PELI2: variants seen among roughly 807,000 people sequenced by gnomAD.
PELI2 encodes the protein E3 ubiquitin-protein ligase pellino homolog 2.
In PELI2, 23 loss-of-function variants were observed where a neutral mutation model predicts 42.3. The observed-to-expected ratio is 0.54, with a 90% confidence interval of 0.39 to 0.77. PELI2 has a LOEUF of 0.77. Ranked by LOEUF, PELI2 falls within the 30% of genes least tolerant of loss-of-function variation. The pLI is 0.00. For missense variants in PELI2, 463 were observed against 553.2 expected (o/e 0.84, Z 1.64); for synonymous variants, 245 against 212.2 (o/e 1.15, Z -1.34).
intron 2 of PELI2, among the ~76,000 whole-genome samples, chr14:56,186,868 A>T (rs1885786608): frequency 6.6e-6 from 1 of 152,240 alleles, no homozygotes; most frequent in South Asian, 2.1e-4. Flanking sequence ...GTGCGGAAAG[A>T]ATAGTTCTAT....
chr14:56,146,743 TC>T (rs1166804826), intron 1 of PELI2, among the ~76,000 whole-genome samples: 1 of 152,146 alleles, frequency 6.6e-6, no homozygotes, highest in Non-Finnish European at 1.5e-5. Flanking sequence ...TGATGAGAGA[TC>T]AATTTTACTT....
chr14:56,189,870 C>G (rs1269035018), intron 2 of PELI2, among the ~76,000 whole-genome samples: 1 of 152,156 alleles, frequency 6.6e-6, no homozygotes, highest in African/African-American at 2.4e-5. Flanking sequence ...TAACAATGAA[C>G]AGTTTCTAAA....
rs563912413 is a variant in PELI2, at chr14:56,281,701, T to A, written c.309+1924T>A. On this transcript the variant is annotated intron_variant, in intron 3 of 5. Coordinates refer to ENST00000267460, the MANE Select transcript of PELI2 (RefSeq NM_021255.3). ...AATGTCACAAATATATAAGGTACTC[T>A]TGGAAATCTCTTTTTAAAATACCTA... Among the ~76,000 whole-genome samples, 4 of 152,236 alleles carry A rather than the reference T, an allele frequency of 2.6e-5. 1 individual carries two copies. The South Asian group carries it at 8.3e-4, about 32-fold the overall frequency.
chr14:56,202,627 T>C (rs1174824239), intron 2 of PELI2, among the ~76,000 whole-genome samples: 1 of 152,120 alleles, frequency 6.6e-6, no homozygotes, highest in African/African-American at 2.4e-5. Context: ...AGCTGGAGTC[T>C]GGGAGTGGGG....
chr14:56,233,108 C>G (rs1269097282), intron 2 of PELI2, among the ~76,000 whole-genome samples: 1 of 152,050 alleles, frequency 6.6e-6, no homozygotes, highest in Non-Finnish European at 1.5e-5. Flanking sequence ...TAAAAAAGGA[C>G]ACAAACAAAT....
At chr14:56,148,610 C>T (rs183674183) in intron 1 of PELI2, among the ~76,000 whole-genome samples, 14 of 152,342 alleles carry the variant, frequency 9.2e-5, no homozygotes, top group African/African-American at 3.4e-4. Flanking sequence ...CCTTTCAAGA[C>T]TCAGTGTAGG....
At chr14:56,226,679 T>C (rs931914579) in intron 2 of PELI2, among the ~76,000 whole-genome samples, 1 of 152,206 alleles carries the variant, frequency 6.6e-6, no homozygotes, top group African/African-American at 2.4e-5. Flanking sequence ...CTGTGAGCTG[T>C]TGGAAACTTT....
At chr14:56,176,571 G>A in intron 1 of PELI2, among the ~76,000 whole-genome samples, 1 of 152,194 alleles carries the variant, frequency 6.6e-6, no homozygotes, top group East Asian at 1.9e-4. Flanking sequence ...ATATCCTGGA[G>A]AGCCTGCGTT....
At chr14:56,188,429 A>G (rs568328704) in intron 2 of PELI2, among the ~76,000 whole-genome samples, 2 of 152,240 alleles carry the variant, frequency 1.3e-5, no homozygotes, top group African/African-American at 4.8e-5. Context: ...TACTATGAAT[A>G]TTGCTTTCTA....
chr14:56,260,576 A>G (rs1160250563), intron 2 of PELI2, among the ~76,000 whole-genome samples: 1 of 152,210 alleles, frequency 6.6e-6, no homozygotes, highest in Non-Finnish European at 1.5e-5. Flanking sequence ...TCATTTGTCA[A>G]AACTCCTCAA....
chr14:56,187,307 T>A (rs1320395056), intron 2 of PELI2, among the ~76,000 whole-genome samples: 2 of 152,172 alleles, frequency 1.3e-5, no homozygotes, highest in Non-Finnish European at 2.9e-5. Context: ...CCAATAAAAA[T>A]GGAAGTTGCC....
At chr14:56,254,540 A>T (rs1888458272) in intron 2 of PELI2, among the ~76,000 whole-genome samples, 1 of 152,224 alleles carries the variant, frequency 6.6e-6, no homozygotes, top group African/African-American at 2.4e-5. Flanking sequence ...TAAAAACCCT[A>T]GAAGAAAACC....
intron 1 of PELI2, among the ~76,000 whole-genome samples, chr14:56,165,483 T>C (rs1884921992): frequency 6.6e-6 from 1 of 152,188 alleles, no homozygotes; most frequent in Non-Finnish European, 1.5e-5. Flanking sequence ...CTAACACATA[T>C]GACCTTGGAC....
intron 1 of PELI2, among the ~76,000 whole-genome samples, chr14:56,156,150 A>T (rs994131141): frequency 5.3e-5 from 8 of 152,204 alleles, no homozygotes; most frequent in African/African-American, 1.9e-4. Context: ...ATAATAAAGA[A>T]TTTATCAAAT....
Position 56,205,209 on chromosome 14 carries a change from T to C in PELI2, c.207+26745T>C, listed in dbSNP as rs527372168. On this transcript the variant is annotated intron_variant, in intron 2 of 5. Transcript: ENST00000267460. The stretch of plus-strand genomic sequence containing the variant: ...CATGGAGCGCTGGAGAAGTTACGGG[T>C]ACATGCTACCGTGAGTGGACTGTGA... Among the ~76,000 whole-genome samples the C allele has an allele frequency of 3.3e-5, 5 of 152,028 alleles. No individual in the cohort carries two copies. In the South Asian group the frequency reaches 1.0e-3, roughly 32 times the overall value.
chr14:56,262,024 T>C (rs1287025719), intron 2 of PELI2, among the ~76,000 whole-genome samples: 1 of 152,202 alleles, frequency 6.6e-6, no homozygotes, highest in African/African-American at 2.4e-5. Context: ...GTCTTTAGGG[T>C]TTACCATTCA....
At chr14:56,239,772 A>G (rs1315242922) in intron 2 of PELI2, among the ~76,000 whole-genome samples, 1 of 152,120 alleles carries the variant, frequency 6.6e-6, no homozygotes, top group African/African-American at 2.4e-5. Flanking sequence ...TCCTTTAGAG[A>G]AGCAGTGAGA....
rs769360558 is a variant in PELI2, at chr14:56,288,563, G to A, written c.436G>A (p.Asp146Asn). 14 of 1,613,928 alleles carry A rather than the reference G, an allele frequency of 8.7e-6. No individual in the cohort carries two copies. Among genetic ancestry groups the A allele is most frequent in the African/African-American group, 5.3e-5 (4 of 74,928 alleles). The stretch of plus-strand genomic sequence containing the variant: ...CAGGTTCGCCTGCAGGATCGTGTGC[G>A]ACAGGAATGAACCTTACACAGCACG... ...ISRFACRIVC[D>N]RNEPYTARIF... The change falls in exon 4 of 6, where the codon GAC becomes AAC. Residue 146 changes from aspartate (D) to asparagine (N), a missense_variant. Coordinates refer to ENST00000267460, the MANE Select transcript of PELI2 (RefSeq NM_021255.3). This position sits in a 1 kb window ranked among gnomAD's most constrained non-coding sequence, Gnocchi z 4.6.
At chr14:56,129,550 C>T (rs1363909966) in intron 1 of PELI2, among the ~76,000 whole-genome samples, 1 of 152,172 alleles carries the variant, frequency 6.6e-6, no homozygotes, top group African/African-American at 2.4e-5. Context: ...CCTGGAGGCC[C>T]AAGGGATGGG....
Sources: allele counts gnomAD v4.1 joint callset (sites outside exome capture counted in the v4.1 genomes callset), GRCh38; gene constraint gnomAD v4.1.1; non-coding constraint Gnocchi (gnomAD v3.1); transcripts MANE v1.5; gene names NCBI Gene and HGNC (gene_info 2026-07-23, HGNC 2026-07-21).